The following EPHB4 variants were observed in gnomAD, a reference collection of about 807,000 sequenced individuals.
EPHB4 encodes EPH receptor B4.
A neutral mutation model predicts 110.6 loss-of-function variants in EPHB4; 50 were observed. The ratio of observed to expected loss-of-function variants is 0.45; its 90% CI spans 0.36 to 0.57. EPHB4 has a LOEUF of 0.57. Among genes scored for constraint, EPHB4 ranks in the 20% least tolerant of loss-of-function variants. The pLI, the probability that EPHB4 is intolerant of heterozygous loss-of-function variation, is 0.00. For synonymous variants in EPHB4, 592 were observed against 578.4 expected (o/e 1.02, Z -0.34); for missense variants, 1,128 against 1,382.1 (o/e 0.82, Z 2.91).
At chr7:100,821,899 GC>G (rs1213569672) in intron 4 of EPHB4, among the ~76,000 whole-genome samples, 1 of 151,470 alleles carries the variant, frequency 6.6e-6, no homozygotes, top group Non-Finnish European at 1.5e-5. Flanking sequence ...GGTGACGCAC[GC>G]CTGTAATCCC....
chr7:100,819,439 A>T (rs1457791476), intron 6 of EPHB4, 118 bp downstream of exon 6: 25 of 1,201,018 alleles, frequency 2.1e-5, no homozygotes, highest in Non-Finnish European at 2.8e-5. Context: ...TTGCCCCCAA[A>T]GCCTTAGCCC....
At chr7:100,808,648 CA>C (rs779203554) in intron 12 of EPHB4, among the ~76,000 whole-genome samples, 2 of 152,158 alleles carry the variant, frequency 1.3e-5, no homozygotes, top group Non-Finnish European at 2.9e-5. Context: ...ATGATCGGTG[CA>C]AAAACCAAGG....
chr7:100,815,812 C>T (rs1244087752), intron 8 of EPHB4, among the ~76,000 whole-genome samples: 1 of 152,076 alleles, frequency 6.6e-6, no homozygotes, highest in Non-Finnish European at 1.5e-5. Flanking sequence ...CATAGGGAAA[C>T]TGTCTCAACA....
Position 100,823,806 on chromosome 7 carries a change from G to A in EPHB4, c.249C>T (p.Ala83=), listed in dbSNP as rs748025573. Residue 83 remains alanine, a synonymous_variant, in exon 3 of 17, where the codon GCC becomes GCT. Transcript: ENST00000358173. ...LRTGWVPRRG[A]VHVYATLRFT... ...AGCGCAGCGTGGCGTACACGTGGAC[G>A]GCGCCCCGCCGTGGGACCCAACCTG... 1.2e-5 allele frequency: 19 copies of A among 1,613,094 alleles called. No homozygotes were observed. Among genetic ancestry groups the A allele is most frequent in the African/African-American group, 4.0e-5 (3 of 74,944 alleles).
At chr7:100,817,441 C>G in intron 7 of EPHB4, 84 bp from the exon 8 acceptor site, 2 of 1,433,068 alleles carry the variant, frequency 1.4e-6, no homozygotes, top group Non-Finnish European at 1.8e-6. Context: ...TCGCCCTCCA[C>G]TCCCATCACT....
Position 100,813,505 on chromosome 7 carries a change from G to A in EPHB4, c.1756+147C>T, listed in dbSNP as rs559775679. Reference sequence around the variant, plus strand: ...TGACTGATGTATTTTTTATAGAGATGGAGTTTCAACATGTTGGCCAGGCTG... The same window carrying A: ...TGACTGATGTATTTTTTATAGAGATAGAGTTTCAACATGTTGGCCAGGCTG... On this transcript the variant is annotated intron_variant, in intron 10 of 16. Coordinates refer to ENST00000358173, the MANE Select transcript of EPHB4 (RefSeq NM_004444.5). 5.4e-5 allele frequency: 44 copies of A among 818,254 alleles called. No homozygotes were observed. The African/African-American group carries it at 6.7e-4, about 12-fold the overall frequency. The allele number at this position is 818,254 out of a possible 1,614,324, so 50.7% of individuals were successfully genotyped here.
intron 9 of EPHB4, 51 bp from the exon 10 acceptor site, chr7:100,813,767 T>G (rs1426164623): frequency 1.2e-6 from 2 of 1,612,396 alleles, no homozygotes; most frequent in African/African-American, 1.3e-5. Flanking sequence ...CACATCTTTA[T>G]GAGGCACACA....
In EPHB4 at chr7:100,807,434, T is replaced by C. The variant is rs1389290925; in HGVS notation, c.2265A>G (p.Lys755=). Residue 755 remains lysine (K), a synonymous_variant, in exon 13 of 17, where the codon AAA becomes AAG. Transcript: ENST00000358173. ...ATCGGGAAAGGCCAAAGTCAGACACTTTGCAGACGAGGTTGCTGTTGACTA... is the reference window on the plus strand; with the variant it reads ...ATCGGGAAAGGCCAAAGTCAGACACCTTGCAGACGAGGTTGCTGTTGACTA... The part of the protein sequence containing the change: ...NILVNSNLVC[K]VSDFGLSRFL... The C allele has an allele frequency of 1.2e-6, 2 of 1,613,192 alleles. No homozygotes were observed. Among genetic ancestry groups the C allele is most frequent in the African/African-American group, 2.7e-5 (2 of 74,616 alleles).
Position 100,802,933 on chromosome 7 carries a change from A to C in EPHB4, c.*528T>G, listed in dbSNP as rs1203944535. ...ACGGGGAGAAAAATTAAGACCAAAA[A>C]CAAAACTCAAAAACCTTCAATATGA... On this transcript the variant is annotated 3_prime_UTR_variant, in exon 17 of 17. Coordinates refer to ENST00000358173, the MANE Select transcript of EPHB4 (RefSeq NM_004444.5). The C allele has an allele frequency of 1.3e-5, 2 of 152,268 alleles. No individual in the cohort carries two copies. The highest frequency in any genetic ancestry group is 4.8e-5 in the African/African-American group (2 of 41,454). 9.4% of individuals were successfully genotyped at this position (152,268 alleles called of 1,614,324 possible). A position where few individuals can be genotyped will look rare whatever the true frequency, so the allele number is the denominator to read the frequency against.
At position 100,811,722 on chromosome 7, in the gene EPHB4, T is replaced by G. The variant is rs905216903; in HGVS notation, c.2118+1025A>C. Among the ~76,000 whole-genome samples, 6 of 151,610 alleles carry G rather than the reference T, an allele frequency of 4.0e-5. No individual in the cohort carries two copies. The South Asian group carries it at 1.0e-3, about 26-fold the overall frequency. ...TGTCTCTACAAAAAATTTTAAAAAT[T>G]TGCTGAGCATGGTGGTACATGAGTG... On this transcript the variant is annotated intron_variant, in intron 12 of 16. Transcript: ENST00000358173.
At position 100,820,124 on chromosome 7, in the gene EPHB4, G is replaced by T. The variant is rs1236835841; in HGVS notation, c.964+17C>A. The stretch of plus-strand genomic sequence containing the variant: ...GACCCCTCCCCAGTGAACTGCACCT[G>T]GGTGCTGGTCACTTACTGGTGCAGG... On this transcript the variant is annotated intron_variant, in intron 5 of 16. Transcript: ENST00000358173. 3 of 1,611,934 alleles carry T rather than the reference G, an allele frequency of 1.9e-6. No homozygotes were observed. Among genetic ancestry groups the T allele is most frequent in the Non-Finnish European group, 2.5e-6 (3 of 1,179,136 alleles).
chr7:100,816,842 G>T (rs567987739), intron 8 of EPHB4, among the ~76,000 whole-genome samples: 22 of 152,198 alleles, frequency 1.4e-4, no homozygotes, highest in African/African-American at 5.3e-4. Context: ...CCAGCACTTC[G>T]GGAGGCCGAG....
chr7:100,816,332 C>T (rs76443052), intron 8 of EPHB4, among the ~76,000 whole-genome samples: 8,055 of 150,974 alleles, frequency 0.053, 596 homozygotes, highest in African/African-American at 0.16. Flanking sequence ...GTCAAGCCTG[C>T]GGTGAGCTTT....
At chr7:100,826,698 G>A (rs890041119) in intron 1 of EPHB4, 2 of 362,086 alleles carry the variant, frequency 5.5e-6, no homozygotes, top group East Asian at 8.5e-5. Flanking sequence ...GGCAGCCAGG[G>A]GCGTATGTAA....
chr7:100,805,236 C>T lies in EPHB4; in HGVS notation c.2764G>A (p.Gly922Arg). The T allele has an allele frequency of 1.2e-6, 2 of 1,613,588 alleles. No individual in the cohort carries two copies. The highest frequency in any genetic ancestry group is 1.7e-6 in the Non-Finnish European group (2 of 1,179,818). ...GCTGCGAAACTTTCTTCGTATCTTC[C>T]CATTTTGATGGCCCGAAGCCACTCG... ...VGEWLRAIKM[G>R]RYEESFAAAG... The change falls in exon 16 of 17, where the codon GGA becomes AGA. Residue 922 changes from glycine (G) to arginine (R), a missense_variant. Around this residue, in one of 3 missense-constraint regions of EPHB4, gnomAD observed 209 missense variants for 240.5 expected, o/e 0.87. Coordinates refer to ENST00000358173, the MANE Select transcript of EPHB4 (RefSeq NM_004444.5).
At chr7:100,823,541 C>T (rs982937005) in intron 3 of EPHB4, 103 bp downstream of exon 3, 38 of 1,447,352 alleles carry the variant, frequency 2.6e-5, no homozygotes, top group Middle Eastern at 2.2e-4. Context: ...CCCCAGCGCG[C>T]GGGCCAGAGG....
At chr7:100,817,498 A>C in intron 7 of EPHB4, 141 bp from the exon 8 acceptor site, 2 of 876,616 alleles carry the variant, frequency 2.3e-6, no homozygotes, top group East Asian at 3.1e-5. Context: ...TTACGCATGC[A>C]AGCCATGTGC....
intron 7 of EPHB4, 34 bp from the exon 8 acceptor site, chr7:100,817,391 CG>C: frequency 6.6e-7 from 1 of 1,513,854 alleles, no homozygotes; most frequent in Admixed American, 2.3e-5. Context: ...GGCCGTCACC[CG>C]GGAACCCAAG....
chr7:100,806,709 T>C, intron 13 of EPHB4, 140 bp from the exon 14 acceptor site: 2 of 1,049,660 alleles, frequency 1.9e-6, no homozygotes, highest in African/African-American at 1.6e-5. Flanking sequence ...CCAACTCTGT[T>C]TGCCCAGGTT....
Sources: allele counts gnomAD v4.1 joint callset (sites outside exome capture counted in the v4.1 genomes callset), GRCh38; gene constraint gnomAD v4.1.1; regional missense constraint gnomAD v4.1.1; transcripts MANE v1.5; gene names NCBI Gene and HGNC (gene_info 2026-07-23, HGNC 2026-07-21).